The following BOLL variants were observed in gnomAD, a reference collection of about 807,000 sequenced individuals.
The protein encoded by BOLL is boule RNA binding protein, also known as protein boule-like.
Under a neutral mutation model 44.4 loss-of-function variants are expected in BOLL, and 23 were observed. The observed-to-expected ratio is 0.52, with a 90% CI of 0.37 to 0.73. BOLL has a LOEUF of 0.73. BOLL is among the 30% of genes least tolerant of loss of function. The probability of loss-of-function intolerance (pLI) is 0.00; values close to 1 mark genes in which losing one functional copy is unlikely to be tolerated. For synonymous variants in BOLL, 97 were observed against 110.8 expected (o/e 0.88, Z 0.78); for missense variants, 287 against 338.3 (o/e 0.85, Z 1.19).
chr2:197,779,127 T>C, intron 2 of BOLL, 61 bp from the exon 3 acceptor site: 1 of 1,257,098 alleles, frequency 8.0e-7, no homozygotes, highest in South Asian at 1.3e-5. Flanking sequence ...TGAATAATTC[T>C]CATGCTTGCT....
At chr2:197,733,817 T>C (rs1258250865) in intron 10 of BOLL, among the ~76,000 whole-genome samples, 2 of 152,166 alleles carry the variant, frequency 1.3e-5, no homozygotes, top group Non-Finnish European at 2.9e-5. Flanking sequence ...TAATTCAAGA[T>C]GGATTAAAGA....
chr2:197,763,196 A>C (rs1383478667), intron 7 of BOLL, among the ~76,000 whole-genome samples: 1 of 152,140 alleles, frequency 6.6e-6, no homozygotes, highest in Non-Finnish European at 1.5e-5. Flanking sequence ...AACCTTAAGA[A>C]ACAAGGCCGG....
chr2:197,747,796 T>C (rs981182631), intron 9 of BOLL, among the ~76,000 whole-genome samples: 2 of 152,132 alleles, frequency 1.3e-5, no homozygotes, highest in Admixed American at 1.3e-4. Flanking sequence ...AAACATACCA[T>C]GCACATGGTA....
intron 9 of BOLL, among the ~76,000 whole-genome samples, chr2:197,753,061 C>A (rs1347591950): frequency 6.6e-6 from 1 of 152,186 alleles, no homozygotes; most frequent in Non-Finnish European, 1.5e-5. Context: ...GGAAAGGATT[C>A]CCTATTTAAT....
At chr2:197,734,693 G>A (rs1299205607) in intron 10 of BOLL, among the ~76,000 whole-genome samples, 1 of 152,082 alleles carries the variant, frequency 6.6e-6, no homozygotes, top group Non-Finnish European at 1.5e-5. Flanking sequence ...ATCATTCTCA[G>A]CAAACTATTG....
At chr2:197,776,240 T>C (rs926320090) in intron 4 of BOLL, among the ~76,000 whole-genome samples, 2 of 151,864 alleles carry the variant, frequency 1.3e-5, no homozygotes, top group African/African-American at 4.8e-5. Context: ...ATGGCCCCCA[T>C]GTGTATTGTT....
At chr2:197,785,336 C>T (rs1018576217), upstream of BOLL, 39 of 985,870 alleles carry the variant, frequency 4.0e-5, no homozygotes, top group Admixed American at 6.1e-5. The surrounding 1 kb of genome is among the most constrained non-coding windows in gnomAD (Gnocchi z 6.7). Flanking sequence ...CACCCTCGCG[C>T]GGCGCTCCCT....
chr2:197,735,510 A>T (rs1211140594), intron 10 of BOLL, among the ~76,000 whole-genome samples: 1 of 152,112 alleles, frequency 6.6e-6, no homozygotes, highest in Non-Finnish European at 1.5e-5. Flanking sequence ...AATTTATTTC[A>T]ATTATCACAT....
rs182875179 is a variant in BOLL, at chr2:197,737,726, A to G, written c.828+5335T>C. Among the ~76,000 whole-genome samples the G allele has an allele frequency of 2.0e-4, 31 of 152,270 alleles. No homozygotes were observed. The East Asian group carries it at 6.0e-3, about 29-fold the overall frequency. On this transcript the variant is annotated intron_variant, in intron 10 of 10. Coordinates refer to ENST00000392296, the MANE Select transcript of BOLL (RefSeq NM_033030.6). ...AGTGGAATCTTTTTGTAAAGCAGATATAGTTGCTAATTTTTAGGTAAGTGC... is the reference window on the plus strand; with the variant it reads ...AGTGGAATCTTTTTGTAAAGCAGATGTAGTTGCTAATTTTTAGGTAAGTGC...
At position 197,726,992 on chromosome 2, in the gene BOLL, G is replaced by C. The variant is rs538994196; in HGVS notation, c.*1563C>G. The C allele has an allele frequency of 6.5e-6, 1 of 152,728 alleles. No individual in the cohort carries two copies. The highest frequency in any genetic ancestry group is 2.1e-4 in the South Asian group (1 of 4,826). 9.5% of individuals were successfully genotyped at this position (152,728 alleles called of 1,614,324 possible). On this transcript the variant is annotated 3_prime_UTR_variant, in exon 11 of 11. Transcript: ENST00000392296. ...ATAAACTTTTTGGTTCTCAAGGATA[G>C]TGCTATTAAAAGAAAATCTTGAACA...
At chr2:197,783,737 C>T (rs1397697754) in intron 1 of BOLL, among the ~76,000 whole-genome samples, 1 of 152,196 alleles carries the variant, frequency 6.6e-6, no homozygotes, top group Middle Eastern at 3.2e-3. Context: ...GGATATAATG[C>T]TCAGAATGGG....
In BOLL at chr2:197,743,164, T is replaced by C. The variant is rs750850101; in HGVS notation, c.730-5A>G. Reference sequence around the variant, plus strand: ...AACTCCATGATCAGAATAAGGCTATTACAAAAAAAGAGAGAAAAAATGTCA... The same window carrying C: ...AACTCCATGATCAGAATAAGGCTATCACAAAAAAAGAGAGAAAAAATGTCA... On this transcript the variant is annotated splice_region_variant and splice_polypyrimidine_tract_variant and intron_variant, in intron 9 of 10. Coordinates refer to ENST00000392296, the MANE Select transcript of BOLL (RefSeq NM_033030.6). 13 of 1,566,884 alleles carry C rather than the reference T, an allele frequency of 8.3e-6. No homozygotes were observed. In the East Asian group the frequency reaches 2.5e-4, roughly 30 times the overall value.
At chr2:197,786,152 G>A (rs1166273539), upstream of BOLL, 1 of 1,219,030 alleles carries the variant, frequency 8.2e-7, no homozygotes, top group Non-Finnish European at 1.1e-6. This position sits in a 1 kb window ranked among gnomAD's most constrained non-coding sequence, Gnocchi z 5.9. Context: ...CAGGGAAGCA[G>A]GCTCGGACCC....
chr2:197,744,166 C>T (rs142258672), intron 9 of BOLL, among the ~76,000 whole-genome samples: 111 of 152,276 alleles, frequency 7.3e-4, no homozygotes, highest in African/African-American at 2.4e-3. Flanking sequence ...ACTTAGGGGA[C>T]ATCTCAATTC....
intron 10 of BOLL, among the ~76,000 whole-genome samples, chr2:197,732,857 C>A (rs898246160): frequency 2.1e-5 from 3 of 143,176 alleles, no homozygotes; most frequent in Non-Finnish European, 3.1e-5. Context: ...CAATATCATA[C>A]TGAATGGGCA....
intron 10 of BOLL, 26 bp downstream of exon 10, chr2:197,743,035 G>A: frequency 6.6e-7 from 1 of 1,513,560 alleles, no homozygotes; most frequent in Non-Finnish European, 8.9e-7. Flanking sequence ...GAAAAACAAA[G>A]TAAAAAGTCA....
chr2:197,745,219 T>C (rs942166782), intron 9 of BOLL, among the ~76,000 whole-genome samples: 2 of 151,800 alleles, frequency 1.3e-5, no homozygotes, highest in African/African-American at 4.8e-5. Context: ...TTGAAATAAG[T>C]GAGTGAAGAC....
chr2:197,762,147 C>T (rs143044311), intron 7 of BOLL, among the ~76,000 whole-genome samples: 2,739 of 152,186 alleles, frequency 0.018, 39 homozygotes, highest in South Asian at 0.028. Flanking sequence ...AGTTCGAGAC[C>T]GGCCTGACCA....
At chr2:197,748,571 AGG>A (rs769547379) in intron 9 of BOLL, among the ~76,000 whole-genome samples, 16 of 152,158 alleles carry the variant, frequency 1.1e-4, no homozygotes, top group Non-Finnish European at 1.9e-4. Flanking sequence ...GCCATTACTG[AGG>A]CTTGAGTAAG....
Sources: gnomAD v4.1 joint callset for allele counts (sites outside exome capture counted in the v4.1 genomes callset) on GRCh38, gnomAD v4.1.1 for gene constraint, Gnocchi (gnomAD v3.1) non-coding constraint, MANE v1.5 for transcripts, NCBI Gene and HGNC (gene_info 2026-07-23, HGNC 2026-07-21) for gene names.